PMM2: variants seen among roughly 807,000 people sequenced by gnomAD.
PMM2 encodes mannose-6-phosphate isomerase.
PMM2 carries 35 observed loss-of-function variants against 33.2 expected under a neutral mutation model. The observed-to-expected ratio is 1.06, with a 90% CI of 0.81 to 1.40. The LOEUF (loss-of-function observed/expected upper bound fraction) is 1.40, where lower values mean the gene tolerates loss of function less well. Ranked by LOEUF, PMM2 falls within the 40% of genes most tolerant of loss-of-function variation. The pLI is 0.00. For synonymous variants in PMM2, 153 were observed against 114.7 expected, an observed-to-expected ratio of 1.33 and a Z score of -2.13; for missense variants, 386 against 306.0, an observed-to-expected ratio of 1.26 and a Z score of -1.95.
intron 2 of PMM2, among the ~76,000 whole-genome samples, chr16:8,803,633 T>C (rs184939718): frequency 9.8e-5 from 15 of 152,360 alleles, no homozygotes; most frequent in African/African-American, 3.1e-4. Flanking sequence ...ACATGGATAG[T>C]TTCCAAACCA....
intron 7 of PMM2, chr16:8,842,105 C>G (rs915119112): frequency 2.7e-5 from 4 of 150,356 alleles, no homozygotes; most frequent in African/African-American, 9.8e-5. Flanking sequence ...TGTAAGAATT[C>G]TGACCGCACT....
At chr16:8,812,742 T>A (rs1057504614) in intron 6 of PMM2, among the ~76,000 whole-genome samples, 5 of 152,212 alleles carry the variant, frequency 3.3e-5, no homozygotes, top group Admixed American at 2.0e-4. Context: ...TAAACGCAAA[T>A]GCATTTCTCA....
chr16:8,839,647 TTTTAAG>T (rs1316278829), intron 7 of PMM2, among the ~76,000 whole-genome samples: 3 of 151,888 alleles, frequency 2.0e-5, no homozygotes, highest in Non-Finnish European at 4.4e-5. Context: ...CTGCTAATGT[TTTTAAG>T]TTTGTCAGTA....
chr16:8,837,878 G>A (rs529258450), intron 7 of PMM2, among the ~76,000 whole-genome samples: 4 of 152,160 alleles, frequency 2.6e-5, no homozygotes, highest in African/African-American at 4.8e-5. Context: ...GTCTCTGACC[G>A]GCGCCGGAGT....
At chr16:8,816,952 A>T (rs542587663) in intron 7 of PMM2, among the ~76,000 whole-genome samples, 1 of 152,326 alleles carries the variant, frequency 6.6e-6, no homozygotes, top group Non-Finnish European at 1.5e-5. Context: ...CCTGCTGTTT[A>T]AAATAAAATA....
intron 7 of PMM2, among the ~76,000 whole-genome samples, chr16:8,828,506 A>G (rs563980199): frequency 6.6e-6 from 1 of 152,286 alleles, no homozygotes; most frequent in South Asian, 2.1e-4. Flanking sequence ...ATAATTCTTA[A>G]GGCTAGACAT....
chr16:8,822,153 A>C (rs551834428), intron 7 of PMM2, among the ~76,000 whole-genome samples: 3 of 152,222 alleles, frequency 2.0e-5, no homozygotes, highest in African/African-American at 7.2e-5. Context: ...TGGGAAGTGG[A>C]GATTGCTGAT....
At chr16:8,844,895 G>A (rs930150018) in intron 7 of PMM2, among the ~76,000 whole-genome samples, 4 of 152,220 alleles carry the variant, frequency 2.6e-5, no homozygotes, top group Non-Finnish European at 5.9e-5. Context: ...TTTGAAATTG[G>A]TGAGATGTTT....
In PMM2 at chr16:8,847,755, C is replaced by G. The variant is rs778488908; in HGVS notation, c.671C>G (p.Pro224Arg). The stretch of plus-strand genomic sequence containing the variant: ...AATGACCATGAGATCTTCACAGACC[C>G]CAGAACCATGGGCTACTCCGTGACA... ...GGNDHEIFTD[P>R]RTMGYSVTAP... Residue 224 changes from proline (P) to arginine (R), a missense_variant, in exon 8 of 8, where the codon CCC (proline) becomes CGC (arginine). By Grantham distance (103) the Pro-to-Arg change is moderately radical. Transcript: ENST00000268261. 36 of 1,614,008 alleles carry G rather than the reference C, an allele frequency of 2.2e-5. No individual in the cohort carries two copies. Among genetic ancestry groups the G allele is most frequent in the Non-Finnish European group, 2.9e-5 (34 of 1,179,920 alleles).
intron 4 of PMM2, chr16:8,810,454 T>C (rs1031401781): frequency 1.3e-5 from 2 of 153,298 alleles, no homozygotes; most frequent in African/African-American, 4.8e-5. Flanking sequence ...GCAACAGAAA[T>C]AGAAAGTGAG....
chr16:8,813,689 A>C (rs771248238), intron 7 of PMM2, among the ~76,000 whole-genome samples: 4 of 151,996 alleles, frequency 2.6e-5, no homozygotes, highest in Non-Finnish European at 5.9e-5. Context: ...AGCAGAGCCC[A>C]GTGTTAAAGG....
chr16:8,833,237 C>G (rs968283876), intron 7 of PMM2, among the ~76,000 whole-genome samples: 3 of 152,234 alleles, frequency 2.0e-5, no homozygotes, highest in African/African-American at 7.2e-5. Context: ...GTGGATCTCA[C>G]AAAGTACATT....
At chr16:8,802,281 C>G (rs562848817) in intron 2 of PMM2, 2 of 455,668 alleles carry the variant, frequency 4.4e-6, no homozygotes, top group South Asian at 3.1e-5. Flanking sequence ...CTCCCCATCA[C>G]TGAAACAGAA....
chr16:8,832,882 G>A (rs2060819236), intron 7 of PMM2: 1 of 985,416 alleles, frequency 1.0e-6, no homozygotes, highest in Non-Finnish European at 1.2e-6. Flanking sequence ...AGATGCCAGG[G>A]TTCCCTCACC....
At chr16:8,799,704 C>T (rs979873089) in intron 1 of PMM2, among the ~76,000 whole-genome samples, 6 of 152,136 alleles carry the variant, frequency 3.9e-5, no homozygotes, top group African/African-American at 1.2e-4. Context: ...GGCACCACCA[C>T]GCCTGGCTAA....
At chr16:8,823,254 G>C (rs1323551375) in intron 7 of PMM2, among the ~76,000 whole-genome samples, 1 of 152,046 alleles carries the variant, frequency 6.6e-6, no homozygotes, top group Non-Finnish European at 1.5e-5. Flanking sequence ...AGCTTGCAGG[G>C]CCTCAGGAAA....
intron 2 of PMM2, among the ~76,000 whole-genome samples, chr16:8,803,707 TA>T (rs548089105): frequency 5.0e-4 from 76 of 152,236 alleles, no homozygotes; most frequent in African/African-American, 1.7e-3. Context: ...TATTTATTTT[TA>T]TTTTTTTGAG....
chr16:8,845,223 C>A (rs1010525414), intron 7 of PMM2, among the ~76,000 whole-genome samples: 1 of 152,092 alleles, frequency 6.6e-6, no homozygotes, highest in African/African-American at 2.4e-5. Context: ...GTGGATCTCA[C>A]AAAGTACATC....
In PMM2 at chr16:8,799,865, A is replaced by C. The variant is rs2060603071; in HGVS notation, c.66+1917A>C. Among the ~76,000 whole-genome samples the C allele has an allele frequency of 2.6e-5, 4 of 152,152 alleles. No individual in the cohort carries two copies. In the South Asian group the frequency reaches 8.3e-4, roughly 31 times the overall value. On this transcript the variant is annotated intron_variant, in intron 1 of 7. Coordinates refer to ENST00000268261, the MANE Select transcript of PMM2 (RefSeq NM_000303.3). ...TCTGACTTTTAAAGGCCACTCCTCC[A>C]ATTCTAGATTCTGTCTAATAGGTCC...
Sources: allele counts gnomAD v4.1 joint callset (sites outside exome capture counted in the v4.1 genomes callset), GRCh38; gene constraint gnomAD v4.1.1; transcripts MANE v1.5; gene names NCBI Gene and HGNC (gene_info 2026-07-23, HGNC 2026-07-21).